NAALADL2: variants seen among roughly 807,000 people sequenced by gnomAD.
The protein encoded by NAALADL2 is inactive N-acetylated-alpha-linked acidic dipeptidase-like protein 2.
NAALADL2 carries 76 observed loss-of-function variants against 87.2 expected under a neutral mutation model. That is an observed-to-expected ratio of 0.87 (90% confidence interval 0.72 to 1.05). The LOEUF (loss-of-function observed/expected upper bound fraction) is 1.05. NAALADL2 is among the 50% of genes least tolerant of loss of function. The pLI is 0.00. For missense variants in NAALADL2, 1,089 were observed against 945.8 expected, an observed-to-expected ratio of 1.15 and a Z score of -1.99; for synonymous variants, 354 against 331.0, an observed-to-expected ratio of 1.07 and a Z score of -0.75.
chr3:174,941,495 G>A (rs908477945), intron 1 of NAALADL2, among the ~76,000 whole-genome samples: 4 of 152,084 alleles, frequency 2.6e-5, no homozygotes, highest in Admixed American at 1.3e-4. Flanking sequence ...GGAGAGTCCG[G>A]TAGAGGTCTA....
At chr3:174,733,985 G>C (rs572150779) in intron 2 of NAALADL2, among the ~76,000 whole-genome samples, 8 of 152,120 alleles carry the variant, frequency 5.3e-5, no homozygotes, top group Non-Finnish European at 8.8e-5. Flanking sequence ...ACAAATGTAA[G>C]CTTCAAGCTT....
At position 175,394,931 on chromosome 3, in the gene NAALADL2, A is replaced by AT. The variant is rs531612194; in HGVS notation, c.1091-52288dup. Among the ~76,000 whole-genome samples the AT allele has an allele frequency of 4.8e-3, 716 of 150,658 alleles. 5 individuals are homozygous for AT. The highest frequency in any genetic ancestry group is 0.01 in the Middle Eastern group (3 of 288). On this transcript the variant is annotated intron_variant, in intron 5 of 13. Transcript: ENST00000454872. ...CCGATTTTAGCAATCTCAGCATGTG[A>AT]TTTTTTTTTTCTTTATTAAGTTGAG... is the stretch of plus-strand genomic sequence containing the variant.
intron 2 of NAALADL2, among the ~76,000 whole-genome samples, chr3:175,144,066 G>A (rs577001077): frequency 2.6e-5 from 4 of 151,916 alleles, no homozygotes; most frequent in South Asian, 2.1e-4. Flanking sequence ...TAATTTAAAA[G>A]AATAATAAAA....
At chr3:175,102,151 T>C (rs1295477909) in intron 2 of NAALADL2, among the ~76,000 whole-genome samples, 1 of 152,242 alleles carries the variant, frequency 6.6e-6, no homozygotes, top group Non-Finnish European at 1.5e-5. Context: ...ATGGATGTCA[T>C]GTAATTTAAC....
chr3:175,490,382 G>T (rs550580054), intron 9 of NAALADL2, among the ~76,000 whole-genome samples: 48 of 151,568 alleles, frequency 3.2e-4, no homozygotes, highest in East Asian at 1.4e-3. Flanking sequence ...TTGTTTTTTT[G>T]TTGTTGTTGT....
chr3:175,269,313 A>G (rs1359940000), intron 4 of NAALADL2, among the ~76,000 whole-genome samples: 1 of 152,212 alleles, frequency 6.6e-6, no homozygotes, highest in African/African-American at 2.4e-5. Flanking sequence ...GTAAATACAC[A>G]AACCACTAAT....
At chr3:174,449,911 T>C (rs1577936753) in intron 1 of NAALADL2, among the ~76,000 whole-genome samples, 2 of 152,154 alleles carry the variant, frequency 1.3e-5, no homozygotes, top group Non-Finnish European at 2.9e-5. Context: ...ATTGTAATGA[T>C]ATTTAAACAT....
chr3:174,568,921 C>A (rs543262356), intron 2 of NAALADL2, among the ~76,000 whole-genome samples: 10 of 151,166 alleles, frequency 6.6e-5, no homozygotes, highest in Non-Finnish European at 1.0e-4. Context: ...ACAGAATATT[C>A]TTTAAATTAT....
chr3:175,454,550 C>G (rs572876045), intron 6 of NAALADL2, among the ~76,000 whole-genome samples: 2 of 152,132 alleles, frequency 1.3e-5, no homozygotes, highest in African/African-American at 4.8e-5. Flanking sequence ...TTGCATCTCA[C>G]GAGGCCATCA....
chr3:175,799,779 G>A (rs1753917430), intron 13 of NAALADL2, among the ~76,000 whole-genome samples: 2 of 151,998 alleles, frequency 1.3e-5, no homozygotes, highest in South Asian at 2.1e-4. Flanking sequence ...AAAGTTCTCT[G>A]TATAAAAATA....
chr3:175,440,074 A>C (rs148609354), intron 5 of NAALADL2, among the ~76,000 whole-genome samples: 67 of 152,256 alleles, frequency 4.4e-4, no homozygotes, highest in African/African-American at 1.5e-3. Context: ...AAGATGAGAG[A>C]TGAGAACCCA....
intron 12 of NAALADL2, among the ~76,000 whole-genome samples, chr3:175,753,569 G>A (rs947815118): frequency 2.0e-5 from 3 of 152,026 alleles, no homozygotes; most frequent in Non-Finnish European, 4.4e-5. Context: ...CATATTTAAC[G>A]TATCAGCTAT....
intron 3 of NAALADL2, among the ~76,000 whole-genome samples, chr3:175,238,525 A>G (rs1372955430): frequency 1.3e-5 from 2 of 152,184 alleles, no homozygotes; most frequent in Non-Finnish European, 2.9e-5. Context: ...AATCTATTAT[A>G]CTAAATACAT....
intron 10 of NAALADL2, among the ~76,000 whole-genome samples, chr3:175,601,060 T>G (rs892791441): frequency 3.9e-5 from 6 of 152,228 alleles, no homozygotes; most frequent in African/African-American, 1.2e-4. Flanking sequence ...AACAAAGTGG[T>G]TTTTTTCCGC....
chr3:174,805,670 C>T (rs1055689339), intron 3 of NAALADL2, among the ~76,000 whole-genome samples: 1 of 152,024 alleles, frequency 6.6e-6, no homozygotes, highest in Non-Finnish European at 1.5e-5. Flanking sequence ...GTTACAAAAG[C>T]ATAATCAACT....
At chr3:175,087,817 C>G (rs1719330002) in intron 1 of NAALADL2, among the ~76,000 whole-genome samples, 1 of 151,748 alleles carries the variant, frequency 6.6e-6, no homozygotes, top group Non-Finnish European at 1.5e-5. Flanking sequence ...GACCCTTGTT[C>G]ACATGTTTAT....
chr3:174,585,457 A>G (rs563207315), intron 2 of NAALADL2, among the ~76,000 whole-genome samples: 2 of 152,312 alleles, frequency 1.3e-5, no homozygotes, highest in East Asian at 1.9e-4. Flanking sequence ...GATGGATTAG[A>G]ACAGTATTTT....
chr3:175,065,231 G>A (rs1714330600), intron 1 of NAALADL2, among the ~76,000 whole-genome samples: 1 of 152,094 alleles, frequency 6.6e-6, no homozygotes, highest in African/African-American at 2.4e-5. Context: ...CCACATTTAG[G>A]AGACGCTTAA....
Position 175,603,835 on chromosome 3 carries a change from A to C in NAALADL2, c.1801-23456A>C, listed in dbSNP as rs185452513. ...GGCAAGACCCCATCTATAAAAAAAA[A>C]CCACAAAAATTAGCCAGGCTTTGTG... is the stretch of plus-strand genomic sequence containing the variant. On this transcript the variant is annotated intron_variant, in intron 10 of 13. Coordinates refer to ENST00000454872, the MANE Select transcript of NAALADL2 (RefSeq NM_207015.3). Among the ~76,000 whole-genome samples the C allele has an allele frequency of 4.5e-3, 678 of 152,088 alleles. 4 individuals carry two copies. Among genetic ancestry groups the C allele is most frequent in the African/African-American group, 0.013 (551 of 41,468 alleles).
Sources: allele counts gnomAD v4.1 joint callset (sites outside exome capture counted in the v4.1 genomes callset), GRCh38; gene constraint gnomAD v4.1.1; transcripts MANE v1.5; gene names NCBI Gene and HGNC (gene_info 2026-07-23, HGNC 2026-07-21).